BLK: variants seen among roughly 807,000 people sequenced by gnomAD.
BLK encodes BLK proto-oncogene, Src family tyrosine kinase.
Under a neutral mutation model 61.8 loss-of-function variants are expected in BLK, and 64 were observed. The ratio of observed to expected loss-of-function variants is 1.03; its 90% CI spans 0.85 to 1.27. The LOEUF is 1.27. Ranked by LOEUF, BLK falls within the 50% of genes most tolerant of loss-of-function variation. The probability of loss-of-function intolerance (pLI) is 0.00; values close to 1 mark genes in which losing one functional copy is unlikely to be tolerated. For missense variants in BLK, 853 were observed against 660.5 expected, an observed-to-expected ratio of 1.29 and a Z score of -3.19; for synonymous variants, 351 against 272.0, an observed-to-expected ratio of 1.29 and a Z score of -2.86.
intron 11 of BLK, 75 bp from the exon 12 acceptor site, chr8:11,562,904 C>T: frequency 6.3e-7 from 1 of 1,596,588 alleles, no homozygotes; most frequent in Non-Finnish European, 8.6e-7. Context: ...ACAGCAGGAG[C>T]AGGGGTAGGG....
chr8:11,543,138 C>T, intron 1 of BLK, 86 bp from the exon 2 acceptor site: 3 of 1,604,188 alleles, frequency 1.9e-6, no homozygotes, highest in Non-Finnish European at 2.5e-6. Context: ...TAACCAGCCT[C>T]CCGGAAGGGG....
At chr8:11,535,746 AG>A (rs2117403360) in intron 1 of BLK, among the ~76,000 whole-genome samples, 1 of 152,346 alleles carries the variant, frequency 6.6e-6, no homozygotes, top group African/African-American at 2.4e-5. Context: ...GCCTCCTGGT[AG>A]GATGCAACAT....
chr8:11,543,965 AT>A (rs34059887), intron 2 of BLK, among the ~76,000 whole-genome samples: 56,731 of 144,958 alleles, frequency 0.39, 11,031 homozygotes, highest in East Asian at 0.71. Flanking sequence ...CTGAAGATGC[AT>A]TTTTTTTTTT....
rs923963209 is a variant in BLK at position 11,563,914 on chromosome 8, C to A, written c.1324C>A (p.Pro442Thr). 9 of 1,609,106 alleles carry A rather than the reference C, an allele frequency of 5.6e-6. No individual in the cohort carries two copies. The African/African-American group carries it at 8.0e-5, about 14-fold the overall frequency. The stretch of plus-strand genomic sequence containing the variant: ...CTCCTCTGCCGCAGGGATGAGCAAC[C>A]CCGAGGTCATCCGCAACCTGGAGCG... The part of the protein sequence containing the change: ...GRVPYPGMSN[P>T]EVIRNLERGY... The change falls in exon 13 of 13, where the codon CCC becomes ACC. Residue 442 changes from proline to threonine, a missense_variant. Transcript: ENST00000259089.
rs548022058 is a variant in BLK at position 11,534,987 on chromosome 8, A to C, written c.-1-8237A>C. ...CCAGGCATTCAAGACCAGCCTGGGC[A>C]ACATGATGAAATCCCACCTCTACAT... On this transcript the variant is annotated intron_variant, in intron 1 of 12. Transcript: ENST00000259089. Among the ~76,000 whole-genome samples, 3 of 152,276 alleles carry C rather than the reference A, an allele frequency of 2.0e-5. No individual in the cohort carries two copies. In the South Asian group the frequency reaches 6.2e-4, roughly 32 times the overall value.
At chr8:11,502,165 C>A (rs1032897458) in intron 1 of BLK, among the ~76,000 whole-genome samples, 3 of 152,152 alleles carry the variant, frequency 2.0e-5, no homozygotes, top group Non-Finnish European at 2.9e-5. Context: ...TATTAAGATG[C>A]AGTAAAAATA....
chr8:11,530,186 G>A (rs1042082599), intron 1 of BLK, among the ~76,000 whole-genome samples: 8 of 152,042 alleles, frequency 5.3e-5, no homozygotes, highest in African/African-American at 1.9e-4. Flanking sequence ...TTTTTCATAA[G>A]GAATCTCAGA....
At chr8:11,559,879 G>A (rs986557610) in intron 10 of BLK, 6 of 455,824 alleles carry the variant, frequency 1.3e-5, no homozygotes, top group African/African-American at 1.2e-4. Context: ...CCTTAGCTCA[G>A]GTGTTCCCGG....
chr8:11,518,939 C>T (rs749197710), intron 1 of BLK, among the ~76,000 whole-genome samples: 1 of 152,188 alleles, frequency 6.6e-6, no homozygotes, highest in Non-Finnish European at 1.5e-5. Context: ...GTCGCACTTT[C>T]TGGGAGAGGT....
chr8:11,513,966 A>C (rs1799125109), intron 1 of BLK, among the ~76,000 whole-genome samples: 1 of 152,190 alleles, frequency 6.6e-6, no homozygotes, highest in Non-Finnish European at 1.5e-5. Context: ...TGACTTTTGC[A>C]AGGGAAATGT....
At chr8:11,515,943 C>T (rs558848536) in intron 1 of BLK, among the ~76,000 whole-genome samples, 1 of 152,210 alleles carries the variant, frequency 6.6e-6, no homozygotes, top group Non-Finnish European at 1.5e-5. Flanking sequence ...CTTTGGGAGG[C>T]TTTTGTATCC....
rs561100597 is a variant in BLK at position 11,537,373 on chromosome 8, C to T, written c.-1-5851C>T. On this transcript the variant is annotated intron_variant, in intron 1 of 12. Transcript: ENST00000259089. ...ACACCCAGGGTGAGTCCCAGCTTTG[C>T]CAGTAGGTACCCCTGTTCTACCTGG... Among the ~76,000 whole-genome samples, 4 of 152,204 alleles carry T rather than the reference C, an allele frequency of 2.6e-5. No homozygotes were observed. In the South Asian group the frequency reaches 8.3e-4, roughly 32 times the overall value.
At chr8:11,527,246 T>A (rs936086454) in intron 1 of BLK, among the ~76,000 whole-genome samples, 14 of 152,304 alleles carry the variant, frequency 9.2e-5, no homozygotes, top group African/African-American at 3.1e-4. Flanking sequence ...AAAAGTCACC[T>A]CTAAGGGGGT....
intron 1 of BLK, among the ~76,000 whole-genome samples, chr8:11,494,983 T>C (rs1798311578): frequency 6.6e-6 from 1 of 152,160 alleles, no homozygotes; most frequent in Admixed American, 6.5e-5. Flanking sequence ...CTGACAGAGG[T>C]TAGTGGTCAC....
chr8:11,554,297 T>G, intron 6 of BLK: 1 of 240,738 alleles, frequency 4.2e-6, no homozygotes, highest in Non-Finnish European at 8.2e-6. Flanking sequence ...GCCATGGACA[T>G]GGGTACTTGC....
chr8:11,539,239 G>A (rs1488951014), intron 1 of BLK, among the ~76,000 whole-genome samples: 1 of 152,026 alleles, frequency 6.6e-6, no homozygotes, highest in Non-Finnish European at 1.5e-5. Flanking sequence ...TTTTCATTTG[G>A]TGTTTGCAAA....
chr8:11,541,196 AG>A (rs1800362358), intron 1 of BLK, among the ~76,000 whole-genome samples: 1 of 152,042 alleles, frequency 6.6e-6, no homozygotes, highest in Non-Finnish European at 1.5e-5. Context: ...TAGCCTTGGG[AG>A]GCAGAGGTTG....
intron 8 of BLK, 173 bp downstream of exon 8, chr8:11,555,657 C>T (rs897417171): frequency 3.3e-5 from 34 of 1,042,700 alleles, no homozygotes; most frequent in South Asian, 2.4e-4. Flanking sequence ...GGTGCAGAGC[C>T]GCGTTGTAAC....
intron 6 of BLK, among the ~76,000 whole-genome samples, chr8:11,551,575 T>C (rs556504409): frequency 6.6e-6 from 1 of 152,254 alleles, no homozygotes; most frequent in Non-Finnish European, 1.5e-5. Context: ...AGTAACAGAT[T>C]CATTCATGTG....
Sources: gnomAD v4.1 joint callset for allele counts (sites outside exome capture counted in the v4.1 genomes callset) on GRCh38, gnomAD v4.1.1 for gene constraint, MANE v1.5 for transcripts, NCBI Gene and HGNC (gene_info 2026-07-23, HGNC 2026-07-21) for gene names.